The following AK2 variants were observed in gnomAD, a reference collection of about 807,000 sequenced individuals.
The protein encoded by AK2 is adenylate kinase 2, mitochondrial.
Under a neutral mutation model 24.6 loss-of-function variants are expected in AK2, and 15 were observed. That is an observed-to-expected ratio of 0.61 (90% CI 0.41 to 0.94). AK2 has a LOEUF of 0.94. Among genes scored for constraint, AK2 ranks in the 40% least tolerant of loss-of-function variants. AK2 has a pLI of 0.00. For synonymous variants in AK2, 102 were observed against 114.0 expected (o/e 0.90, Z 0.67); for missense variants, 257 against 304.1 (o/e 0.85, Z 1.15).
chr1:33,011,185 C>T lies in AK2; in HGVS notation c.*1996G>A, dbSNP rs1291819121. Reference sequence around the variant, plus strand: ...AAAATTAGCAAACATTCAAGAACCTCAACTTTGAGGCCAAGTGCTTACAAT... The same window carrying T: ...AAAATTAGCAAACATTCAAGAACCTTAACTTTGAGGCCAAGTGCTTACAAT... On this transcript the variant is annotated 3_prime_UTR_variant, in exon 6 of 6. Transcript: ENST00000672715. 7.6e-7 allele frequency: 1 copy of T among 1,309,980 alleles called. No homozygotes were observed. The highest frequency in any genetic ancestry group is 1.4e-5 in the South Asian group (1 of 70,486). 81.1% of individuals were successfully genotyped at this position (1,309,980 alleles called of 1,614,324 possible).
rs1570170805 is a variant in AK2, at chr1:33,009,226, C to G, written c.*3955G>C. The G allele has an allele frequency of 2.2e-6, 1 of 453,874 alleles. No individual in the cohort carries two copies. The highest frequency in any genetic ancestry group is 2.0e-5 in the African/African-American group (1 of 50,072). The allele number at this position is 453,874 out of a possible 1,614,324, so 28.1% of individuals were successfully genotyped here. ...TCCCTCTTGTTTTGGGAACAACAGT[C>G]ATTTCTCAGAAACCTCACTTGCAAA... On this transcript the variant is annotated 3_prime_UTR_variant, in exon 6 of 6. Transcript: ENST00000672715.
Position 33,012,878 on chromosome 1 carries a change from G to GAGTCT in AK2, c.*302_*303insAGACT. Reference sequence around the variant, plus strand: ...ACGCCACTGCACTCCAGCCAGGGTGGCAGAGCGAAACCTTGTCTCAAAACA... The same window carrying GAGTCT: ...ACGCCACTGCACTCCAGCCAGGGTGGAGTCTCAGAGCGAAACCTTGTCTCAAAACA... On this transcript the variant is annotated 3_prime_UTR_variant, in exon 6 of 6. Coordinates refer to ENST00000672715, the MANE Select transcript of AK2 (RefSeq NM_001625.4). The GAGTCT allele has an allele frequency of 7.5e-7, 1 of 1,328,400 alleles. No homozygotes were observed. The highest frequency in any genetic ancestry group is 9.8e-7 in the Non-Finnish European group (1 of 1,015,690). 82.3% of individuals were successfully genotyped at this position (1,328,400 alleles called of 1,614,324 possible).
At position 33,014,020 on chromosome 1, in the gene AK2, G is replaced by C. The variant is rs1639017762; in HGVS notation, c.498+502C>G. 3.3e-5 allele frequency among the ~76,000 whole-genome samples: 5 copies of C among 152,202 alleles called. 1 individual carries two copies. ...ACCCAGGAAATTCTTACTGTTGCCT[G>C]CATGCTTTAAAACAAACCATATAGA... On this transcript the variant is annotated intron_variant, in intron 5 of 5. Coordinates refer to ENST00000672715, the MANE Select transcript of AK2 (RefSeq NM_001625.4).
intron 1 of AK2, among the ~76,000 whole-genome samples, chr1:33,033,775 C>T (rs1640397586): frequency 6.6e-6 from 1 of 152,134 alleles, no homozygotes; most frequent in African/African-American, 2.4e-5. Flanking sequence ...ATCCTGTCTT[C>T]TTTTGTGTAT....
At position 33,013,304 on chromosome 1, in the gene AK2, C is replaced by G. The variant is rs150186080; in HGVS notation, c.597G>C (p.Glu199Asp). ...AYHTQTTPLIEYYRKRGIHSA... is the reference protein window; with the variant it reads ...AYHTQTTPLIDYYRKRGIHSA... Reference sequence around the variant, plus strand: ...AGTGGATCCCCCGTTTCCTGTAGTACTCTATGAGTGGGGTGGTTTGAGTGT... The same window carrying G: ...AGTGGATCCCCCGTTTCCTGTAGTAGTCTATGAGTGGGGTGGTTTGAGTGT... Residue 199 changes from glutamate (E) to aspartate (D), a missense_variant, in exon 6 of 6, where the codon GAG (glutamate) becomes GAC (aspartate). By Grantham distance (45) the Glu-to-Asp change is conservative. Coordinates refer to ENST00000672715, the MANE Select transcript of AK2 (RefSeq NM_001625.4). 2 of 1,614,130 alleles carry G rather than the reference C, an allele frequency of 1.2e-6. No homozygotes were observed. Among genetic ancestry groups the G allele is most frequent in the Non-Finnish European group, 1.7e-6 (2 of 1,179,994 alleles).
chr1:33,014,738 T>C (rs1014274872), intron 4 of AK2, 144 bp from the exon 5 acceptor site: 79 of 720,282 alleles, frequency 1.1e-4, no homozygotes, highest in East Asian at 8.7e-4. Flanking sequence ...GCTAAATAAC[T>C]GGGCTTCCAG....
At chr1:33,015,293 T>C (rs1266786998) in intron 4 of AK2, among the ~76,000 whole-genome samples, 1 of 152,200 alleles carries the variant, frequency 6.6e-6, no homozygotes, top group Non-Finnish European at 1.5e-5. Flanking sequence ...AGTCATGGAA[T>C]ATAGAGCTCA....
intron 4 of AK2, among the ~76,000 whole-genome samples, chr1:33,016,471 G>A (rs373882910): frequency 2.0e-5 from 3 of 151,724 alleles, no homozygotes; most frequent in East Asian, 2.0e-4. Flanking sequence ...TCAGCCTTCC[G>A]AAGTGCTGGG....
At position 33,024,517 on chromosome 1, in the gene AK2, G is replaced by A. The variant is rs759492224; in HGVS notation, c.144C>T (p.Asp48=). ...NFCVCHLATG[D]MLRAMVASGS... ...CAGAAGCCACCATGGCCCTCAGCATGTCCCCAGTAGCTAAATGGCAGACAC... is the reference window on the plus strand; with the variant it reads ...CAGAAGCCACCATGGCCCTCAGCATATCCCCAGTAGCTAAATGGCAGACAC... The change falls in exon 2 of 6, where the codon GAC becomes GAT. Residue 48 remains aspartate (D), a synonymous_variant. Coordinates refer to ENST00000672715, the MANE Select transcript of AK2 (RefSeq NM_001625.4). 6.2e-7 allele frequency: 1 copy of A among 1,613,998 alleles called. No individual in the cohort carries two copies. Among genetic ancestry groups the A allele is most frequent in the Non-Finnish European group, 8.5e-7 (1 of 1,180,018 alleles).
chr1:33,012,493 G>T lies in AK2; in HGVS notation c.*688C>A. Reference sequence around the variant, plus strand: ...TCACATGATCCTGGACTTCTAATCAGCTGCTGGAAATGGAAGAAATACTAT... The same window carrying T: ...TCACATGATCCTGGACTTCTAATCATCTGCTGGAAATGGAAGAAATACTAT... On this transcript the variant is annotated 3_prime_UTR_variant, in exon 6 of 6. Transcript: ENST00000672715. The T allele has an allele frequency of 7.2e-7, 1 of 1,379,890 alleles. No homozygotes were observed. Among genetic ancestry groups the T allele is most frequent in the Non-Finnish European group, 9.5e-7 (1 of 1,049,982 alleles). The allele number at this position is 1,379,890 out of a possible 1,614,324, so 85.5% of individuals were successfully genotyped here. A position where few individuals can be genotyped will look rare whatever the true frequency, so the allele number is the denominator to read the frequency against.
At position 33,012,506 on chromosome 1, in the gene AK2, G is replaced by A. The variant is rs1319610261; in HGVS notation, c.*675C>T. The A allele has an allele frequency of 2.9e-6, 4 of 1,358,556 alleles. No individual in the cohort carries two copies. Among genetic ancestry groups the A allele is most frequent in the Non-Finnish European group, 3.9e-6 (4 of 1,036,310 alleles). 84.2% of individuals were successfully genotyped at this position (1,358,556 alleles called of 1,614,324 possible). ...GACTTCTAATCAGCTGCTGGAAATG[G>A]AAGAAATACTATGAGGTTCTGGAAT... On this transcript the variant is annotated 3_prime_UTR_variant, in exon 6 of 6. Transcript: ENST00000672715.
intron 1 of AK2, among the ~76,000 whole-genome samples, chr1:33,036,421 C>G (rs968749021): frequency 2.6e-5 from 4 of 152,210 alleles, no homozygotes. Flanking sequence ...ATCTAGATGC[C>G]TCGGCCCAGG....
chr1:33,014,724 TC>T lies in AK2; in HGVS notation c.426-131del. 1.0e-5 allele frequency: 8 copies of T among 763,118 alleles called. No individual in the cohort carries two copies. The South Asian group carries it at 1.1e-4, about 11-fold the overall frequency. 47.3% of individuals were successfully genotyped at this position (763,118 alleles called of 1,614,324 possible). Reference sequence around the variant, plus strand: ...CAAGGACCCAGCACCCAGCAGAAAATCCAGCTAAATAACTGGGCTTCCAGGA... The same window carrying T: ...CAAGGACCCAGCACCCAGCAGAAAATCAGCTAAATAACTGGGCTTCCAGGA... On this transcript the variant is annotated intron_variant, in intron 4 of 5. Coordinates refer to ENST00000672715, the MANE Select transcript of AK2 (RefSeq NM_001625.4).
At chr1:33,027,406 G>T (rs896096437) in intron 1 of AK2, among the ~76,000 whole-genome samples, 1 of 152,136 alleles carries the variant, frequency 6.6e-6, no homozygotes, top group Non-Finnish European at 1.5e-5. Context: ...CAGGTGATTG[G>T]ATTCTACAGC....
chr1:33,019,582 A>C, intron 4 of AK2: 1 of 975,134 alleles, frequency 1.0e-6, no homozygotes, highest in Non-Finnish European at 1.2e-6. Context: ...AATATAAGGT[A>C]GAGTCCACTG....
chr1:33,013,821 T>G (rs542740012), intron 5 of AK2, among the ~76,000 whole-genome samples: 1 of 152,306 alleles, frequency 6.6e-6, no homozygotes, highest in Non-Finnish European at 1.5e-5. Flanking sequence ...AAATATTTAG[T>G]GTATTTACTA....
chr1:33,015,994 G>A (rs878954596), intron 4 of AK2, among the ~76,000 whole-genome samples: 3 of 152,208 alleles, frequency 2.0e-5, no homozygotes, highest in Admixed American at 6.5e-5. Context: ...TATTTTGGGG[G>A]GACAAGATGG....
At chr1:33,015,264 A>G (rs1452270327) in intron 4 of AK2, among the ~76,000 whole-genome samples, 2 of 152,252 alleles carry the variant, frequency 1.3e-5, no homozygotes, top group Admixed American at 6.5e-5. Flanking sequence ...AGTAATCGGG[A>G]AAAATGACTT....
intron 1 of AK2, among the ~76,000 whole-genome samples, chr1:33,034,169 T>C (rs1480765714): frequency 6.6e-6 from 1 of 152,104 alleles, no homozygotes; most frequent in Non-Finnish European, 1.5e-5. Flanking sequence ...TGTACAGAGG[T>C]TAAATGACTT....
Sources: allele counts gnomAD v4.1 joint callset (sites outside exome capture counted in the v4.1 genomes callset), GRCh38; gene constraint gnomAD v4.1.1; transcripts MANE v1.5; gene names NCBI Gene and HGNC (gene_info 2026-07-23, HGNC 2026-07-21).